UGT8: variants seen among roughly 807,000 people sequenced by gnomAD.
UGT8 encodes the protein 2-hydroxyacylsphingosine 1-beta-galactosyltransferase.
A neutral mutation model predicts 40.5 loss-of-function variants in UGT8; 12 were observed. The observed-to-expected ratio is 0.30, with a 90% CI of 0.19 to 0.48. The LOEUF (loss-of-function observed/expected upper bound fraction) is 0.48. UGT8 is among the 20% of genes least tolerant of loss of function. The pLI is 0.99. For synonymous variants in UGT8, 224 were observed against 240.4 expected, an observed-to-expected ratio of 0.93 and a Z score of 0.63; for missense variants, 513 against 648.7, an observed-to-expected ratio of 0.79 and a Z score of 2.27.
chr4:114,660,356 A>G (rs1734440523), intron 2 of UGT8, among the ~76,000 whole-genome samples: 2 of 152,216 alleles, frequency 1.3e-5, no homozygotes. Context: ...CTATATAGAC[A>G]ATATGAAAAC....
chr4:114,625,083 A>C (rs1001745968), intron 2 of UGT8, among the ~76,000 whole-genome samples: 2 of 151,578 alleles, frequency 1.3e-5, no homozygotes, highest in African/African-American at 2.4e-5. Context: ...GTCATTTAAA[A>C]TGTTACACAA....
chr4:114,649,812 A>T (rs921859464), intron 2 of UGT8, among the ~76,000 whole-genome samples: 60 of 133,984 alleles, frequency 4.5e-4, no homozygotes, highest in East Asian at 1.0e-3. Context: ...TTCTTATTTT[A>T]AAAAAAAACC....
intron 1 of UGT8, among the ~76,000 whole-genome samples, chr4:114,599,629 G>A (rs984645449): frequency 7.2e-5 from 11 of 152,198 alleles, no homozygotes; most frequent in Admixed American, 5.9e-4. Context: ...TCCCCGCGCC[G>A]ATTTGGGAAT....
chr4:114,612,503 A>C (rs1731154020), intron 1 of UGT8, among the ~76,000 whole-genome samples: 1 of 152,148 alleles, frequency 6.6e-6, no homozygotes, highest in South Asian at 2.1e-4. Flanking sequence ...TGGCCCATCT[A>C]CCACGTATAG....
chr4:114,633,772 C>T (rs1306322604), intron 2 of UGT8, among the ~76,000 whole-genome samples: 2 of 152,088 alleles, frequency 1.3e-5, no homozygotes, highest in East Asian at 1.9e-4. Context: ...GGTGAAACCC[C>T]GTCTCTACTA....
At chr4:114,627,636 A>T (rs1471596486) in intron 2 of UGT8, among the ~76,000 whole-genome samples, 1 of 152,198 alleles carries the variant, frequency 6.6e-6, no homozygotes, top group Admixed American at 6.5e-5. Flanking sequence ...TATTAATTTT[A>T]TTAGCAGATA....
At chr4:114,614,500 A>G (rs962865815) in intron 1 of UGT8, among the ~76,000 whole-genome samples, 7 of 152,192 alleles carry the variant, frequency 4.6e-5, no homozygotes, top group African/African-American at 1.7e-4. Context: ...GTTTGTTATC[A>G]GGCAAAGCAA....
chr4:114,671,200 A>G (rs1735249946), intron 5 of UGT8, among the ~76,000 whole-genome samples: 1 of 152,240 alleles, frequency 6.6e-6, no homozygotes, highest in African/African-American at 2.4e-5. Flanking sequence ...ATGGATAGGA[A>G]AAATGAATAT....
At chr4:114,650,943 C>CAAAGGA (rs1733863315) in intron 2 of UGT8, among the ~76,000 whole-genome samples, 1 of 151,692 alleles carries the variant, frequency 6.6e-6, no homozygotes, top group Non-Finnish European at 1.5e-5. Context: ...CCAAAACATC[C>CAAAGGA]TTTTTCATCC....
Position 114,622,589 on chromosome 4 carries a change from T to C in UGT8, c.-2-290T>C, listed in dbSNP as rs1296992057. 1.4e-5 allele frequency: 4 copies of C among 290,302 alleles called. No individual in the cohort carries two copies. The East Asian group carries it at 3.6e-4, about 26-fold the overall frequency. 18.0% of individuals were successfully genotyped at this position (290,302 alleles called of 1,614,324 possible). On this transcript the variant is annotated intron_variant, in intron 1 of 5. Transcript: ENST00000310836. The stretch of plus-strand genomic sequence containing the variant: ...AGTGTTCCTATTTCTCCACATCCTC[T>C]CCGGCACCTGTTGTTTCCTGACTTT...
chr4:114,646,120 A>G (rs1320956711), intron 2 of UGT8, among the ~76,000 whole-genome samples: 3 of 152,100 alleles, frequency 2.0e-5, no homozygotes, highest in Non-Finnish European at 4.4e-5. Flanking sequence ...ACTGTTTTGC[A>G]AGATTTATGT....
At chr4:114,622,848 G>C in intron 1 of UGT8, 31 bp from the exon 2 acceptor site, 1 of 1,557,528 alleles carries the variant, frequency 6.4e-7, no homozygotes. Flanking sequence ...ATTGTATTTT[G>C]TTTTAAGTTG....
intron 2 of UGT8, among the ~76,000 whole-genome samples, chr4:114,648,933 A>T (rs888601417): frequency 6.6e-6 from 1 of 152,200 alleles, no homozygotes; most frequent in Admixed American, 6.5e-5. Flanking sequence ...ATATTTTAGG[A>T]TGGAGGGCAC....
At chr4:114,599,961 G>A (rs961863416) in intron 1 of UGT8, among the ~76,000 whole-genome samples, 2 of 152,128 alleles carry the variant, frequency 1.3e-5, no homozygotes, top group Non-Finnish European at 2.9e-5. Flanking sequence ...CTGCCATTGT[G>A]CAGCACTTCC....
In UGT8 at chr4:114,676,511, C is replaced by A; in HGVS notation, c.*223C>A. 2.3e-6 allele frequency: 1 copy of A among 443,046 alleles called. No individual in the cohort carries two copies. Among genetic ancestry groups the A allele is most frequent in the Non-Finnish European group, 4.0e-6 (1 of 252,230 alleles). The allele number at this position is 443,046 out of a possible 1,614,324, so 27.4% of individuals were successfully genotyped here. A position where few individuals can be genotyped will look rare whatever the true frequency, so the allele number is the denominator to read the frequency against. ...AATACTGATGTAGAGAGTTTTGGCA[C>A]TGAACCTTTTAGAAGCCTTAATTAT... On this transcript the variant is annotated 3_prime_UTR_variant, in exon 6 of 6. Coordinates refer to ENST00000310836, the MANE Select transcript of UGT8 (RefSeq NM_001128174.3).
chr4:114,617,019 G>A (rs1489802365), intron 1 of UGT8, among the ~76,000 whole-genome samples: 1 of 152,120 alleles, frequency 6.6e-6, no homozygotes, highest in Non-Finnish European at 1.5e-5. Context: ...TTGGTAGGCT[G>A]AGGCAGGCAG....
chr4:114,616,732 A>G (rs1022703616), intron 1 of UGT8, among the ~76,000 whole-genome samples: 1 of 152,156 alleles, frequency 6.6e-6, no homozygotes, highest in Non-Finnish European at 1.5e-5. Flanking sequence ...CTATTCGGCC[A>G]TCTTGGCTCC....
At chr4:114,621,341 A>G (rs531442790) in intron 1 of UGT8, among the ~76,000 whole-genome samples, 1 of 152,192 alleles carries the variant, frequency 6.6e-6, no homozygotes, top group Non-Finnish European at 1.5e-5. Flanking sequence ...TCTCTTTTAC[A>G]TAATGCCCTG....
At chr4:114,622,061 G>T (rs1451918740) in intron 1 of UGT8, among the ~76,000 whole-genome samples, 2 of 151,686 alleles carry the variant, frequency 1.3e-5, no homozygotes, top group African/African-American at 2.4e-5. Context: ...CCACTAACTT[G>T]TCATCTAGCA....
Sources: gnomAD v4.1 joint callset for allele counts (sites outside exome capture counted in the v4.1 genomes callset) on GRCh38, gnomAD v4.1.1 for gene constraint, MANE v1.5 for transcripts, NCBI Gene and HGNC (gene_info 2026-07-23, HGNC 2026-07-21) for gene names.